ROBO2: variants seen among roughly 807,000 people sequenced by gnomAD.
The protein encoded by ROBO2 is roundabout guidance receptor 2.
A neutral mutation model predicts 160.8 loss-of-function variants in ROBO2; 53 were observed. The ratio of observed to expected loss-of-function variants is 0.33; its 90% CI spans 0.26 to 0.41. The LOEUF (loss-of-function observed/expected upper bound fraction) is 0.41, where lower values mean the gene tolerates loss of function less well. ROBO2 is among the 10% of genes least tolerant of loss of function. The pLI is 1.00. For missense variants in ROBO2, 1,577 were observed against 1,722.4 expected (o/e 0.92, Z 1.49); for synonymous variants, 664 against 611.7 (o/e 1.09, Z -1.26).
At chr3:76,017,704 G>A (rs1229225168) in intron 2 of ROBO2, among the ~76,000 whole-genome samples, 1 of 151,940 alleles carries the variant, frequency 6.6e-6, no homozygotes, top group Non-Finnish European at 1.5e-5. Context: ...CACACTCAAT[G>A]TCATAGCAAT....
chr3:77,313,438 C>T (rs1433728758), intron 2 of ROBO2, among the ~76,000 whole-genome samples: 1 of 152,100 alleles, frequency 6.6e-6, no homozygotes, highest in Non-Finnish European at 1.5e-5. Flanking sequence ...CTATAGTCAT[C>T]TTGTAGTGGT....
intron 2 of ROBO2, among the ~76,000 whole-genome samples, chr3:76,025,318 G>A (rs984919385): frequency 1.3e-5 from 2 of 151,604 alleles, no homozygotes; most frequent in Non-Finnish European, 3.0e-5. Flanking sequence ...ACGTAGCTAT[G>A]GGAACTTCCT....
intron 2 of ROBO2, among the ~76,000 whole-genome samples, chr3:76,780,096 GTACAAGGTGATATCTTATTGTTT>G (rs910935948): frequency 6.6e-6 from 1 of 150,582 alleles, no homozygotes; most frequent in Non-Finnish European, 1.5e-5. Context: ...ATTTTAACAG[GTACAAGGTGATATCTTATTGTTT>G]TGATTTGCAT....
intron 2 of ROBO2, among the ~76,000 whole-genome samples, chr3:75,955,494 G>T (rs571684681): frequency 6.6e-6 from 1 of 151,558 alleles, no homozygotes; most frequent in Non-Finnish European, 1.5e-5. Flanking sequence ...AATGTTTAGG[G>T]GGGAGGGGAG....
chr3:76,384,006 G>A (rs1201371419), intron 2 of ROBO2, among the ~76,000 whole-genome samples: 2 of 152,212 alleles, frequency 1.3e-5, no homozygotes, highest in Non-Finnish European at 1.5e-5. Context: ...GACAGGCTGG[G>A]CAGAAATGCA....
chr3:77,289,322 C>A (rs182200222), intron 2 of ROBO2, among the ~76,000 whole-genome samples: 46 of 152,174 alleles, frequency 3.0e-4, no homozygotes, highest in African/African-American at 1.1e-3. Context: ...GAGGCTAGAG[C>A]ACCAAAGACA....
chr3:76,652,665 C>T (rs1437492670), intron 2 of ROBO2, among the ~76,000 whole-genome samples: 2 of 151,942 alleles, frequency 1.3e-5, no homozygotes, highest in African/African-American at 4.8e-5. Flanking sequence ...TGTAATCCAA[C>T]TTTTCTGCAA....
At chr3:76,294,028 G>A (rs988122932) in intron 2 of ROBO2, among the ~76,000 whole-genome samples, 8 of 152,130 alleles carry the variant, frequency 5.3e-5, no homozygotes, top group African/African-American at 1.9e-4. Context: ...AGTCCAGAGG[G>A]GGCCGAGGCA....
At chr3:76,908,479 A>G (rs987185520) in intron 2 of ROBO2, among the ~76,000 whole-genome samples, 6 of 152,252 alleles carry the variant, frequency 3.9e-5, no homozygotes, top group African/African-American at 1.4e-4. Context: ...GACTGGTTTC[A>G]CTAACTTTCA....
At chr3:76,861,347 G>A (rs2070760431) in intron 2 of ROBO2, among the ~76,000 whole-genome samples, 1 of 152,084 alleles carries the variant, frequency 6.6e-6, no homozygotes, top group South Asian at 2.1e-4. Flanking sequence ...TTGTTTTGAG[G>A]ATTAGAGGTG....
chr3:77,607,864 C>T, exon 21 of ROBO2: 2 of 1,613,944 alleles, frequency 1.2e-6, no homozygotes, highest in Non-Finnish European at 8.5e-7. Context: ...AATGGATCCA[C>T]TTGGGCCAAT....
chr3:76,057,200 G>A (rs2107849635), intron 2 of ROBO2, among the ~76,000 whole-genome samples: 1 of 152,166 alleles, frequency 6.6e-6, no homozygotes, highest in Non-Finnish European at 1.5e-5. Flanking sequence ...GCGTATGCGG[G>A]CTTATTCAAA....
intron 2 of ROBO2, among the ~76,000 whole-genome samples, chr3:77,310,754 G>T (rs62251213): frequency 6.6e-6 from 1 of 150,846 alleles, no homozygotes; most frequent in African/African-American, 2.4e-5. Flanking sequence ...GAACAACCCT[G>T]TATTATAAGA....
At chr3:76,981,427 T>C (rs1450415981) in intron 2 of ROBO2, among the ~76,000 whole-genome samples, 1 of 152,228 alleles carries the variant, frequency 6.6e-6, no homozygotes, top group Non-Finnish European at 1.5e-5. Flanking sequence ...ATTTCCCTGA[T>C]GGCTATAACT....
rs559848742 is a variant in ROBO2, at chr3:76,291,557, C to T, written c.109+353955C>T. On this transcript the variant is annotated intron_variant, in intron 2 of 26. Transcript: ENST00000487694. ...CAGCTCGGGTTTGGGTTATTTTCTTCTGCTAGTTTTGGGTTGGTTTGCTCT... is the reference window on the plus strand; with the variant it reads ...CAGCTCGGGTTTGGGTTATTTTCTTTTGCTAGTTTTGGGTTGGTTTGCTCT... 5.3e-5 allele frequency among the ~76,000 whole-genome samples: 8 copies of T among 152,110 alleles called. No homozygotes were observed. In the South Asian group the frequency reaches 1.7e-3, roughly 32 times the overall value.
At chr3:77,306,822 A>G (rs753370192) in intron 2 of ROBO2, among the ~76,000 whole-genome samples, 1 of 151,982 alleles carries the variant, frequency 6.6e-6, no homozygotes, top group South Asian at 2.1e-4. Flanking sequence ...CTGGACAATC[A>G]TTCACCCCAA....
chr3:76,425,668 T>C (rs943733657), intron 2 of ROBO2, among the ~76,000 whole-genome samples: 4 of 152,096 alleles, frequency 2.6e-5, no homozygotes, highest in African/African-American at 7.2e-5. Flanking sequence ...TCTGTTTACG[T>C]TTCTGACTTT....
At chr3:76,358,847 G>T (rs1208037808) in intron 2 of ROBO2, among the ~76,000 whole-genome samples, 1 of 151,418 alleles carries the variant, frequency 6.6e-6, no homozygotes, top group Non-Finnish European at 1.5e-5. Context: ...ATGTATACAT[G>T]TGCCATGCTG....
intron 2 of ROBO2, among the ~76,000 whole-genome samples, chr3:76,560,939 T>G (rs1459761421): frequency 8.2e-3 from 22 of 2,668 alleles, no homozygotes; most frequent in East Asian, 0.025. Context: ...GTAAGATATA[T>G]ATATATATAT....
Sources: gnomAD v4.1 joint callset for allele counts (sites outside exome capture counted in the v4.1 genomes callset) on GRCh38, gnomAD v4.1.1 for gene constraint, MANE v1.5 for transcripts, NCBI Gene and HGNC (gene_info 2026-07-23, HGNC 2026-07-21) for gene names.